ENAH: variants seen among roughly 807,000 people sequenced by gnomAD.
ENAH encodes the protein protein enabled homolog.
A neutral mutation model predicts 78.7 loss-of-function variants in ENAH; 23 were observed. The ratio of observed to expected loss-of-function variants is 0.29; its 90% confidence interval spans 0.21 to 0.41. The LOEUF is 0.41. Ranked by LOEUF, ENAH falls within the 10% of genes least tolerant of loss-of-function variation. The pLI is 1.00. For synonymous variants in ENAH, 226 were observed against 241.0 expected (o/e 0.94, Z 0.58); for missense variants, 544 against 691.0 (o/e 0.79, Z 2.39).
intron 1 of ENAH, among the ~76,000 whole-genome samples, chr1:225,630,056 T>C (rs1320435705): frequency 6.6e-6 from 1 of 152,176 alleles, no homozygotes; most frequent in Admixed American, 6.5e-5. Context: ...TAATTAACCA[T>C]AATATGTATA....
intron 5 of ENAH, among the ~76,000 whole-genome samples, chr1:225,518,525 A>ACC (rs2096440390): frequency 6.6e-6 from 1 of 152,164 alleles, no homozygotes; most frequent in African/African-American, 2.4e-5. Context: ...TTAACTTAAT[A>ACC]AACCAACCAA....
intron 3 of ENAH, among the ~76,000 whole-genome samples, chr1:225,545,972 G>A (rs1262800776): frequency 2.0e-5 from 3 of 146,584 alleles, no homozygotes; most frequent in Non-Finnish European, 4.4e-5. Context: ...CCAGGCTGGA[G>A]TGGTGCAGTG....
intron 1 of ENAH, among the ~76,000 whole-genome samples, chr1:225,640,451 CT>C (rs1660828990): frequency 6.6e-6 from 1 of 152,152 alleles, no homozygotes; most frequent in African/African-American, 2.4e-5. Flanking sequence ...TAAAGACCCC[CT>C]AAACAATGAA....
At chr1:225,615,010 ACGGTCTCCCTCTGATGCCCTCTCCC>A (rs1227550961) in intron 1 of ENAH, among the ~76,000 whole-genome samples, 3 of 149,232 alleles carry the variant, frequency 2.0e-5, no homozygotes, top group Non-Finnish European at 3.0e-5. Context: ...CTCTCCCTCC[ACGGTCTCCCTCTGATGCCCTCTCCC>A]CGGTCTCCCT....
chr1:225,624,695 T>G (rs925286734), intron 1 of ENAH, among the ~76,000 whole-genome samples: 1 of 152,102 alleles, frequency 6.6e-6, no homozygotes, highest in Non-Finnish European at 1.5e-5. Flanking sequence ...CCAGGTGTGG[T>G]GGTGCAGGTC....
chr1:225,643,549 G>A (rs912105759), intron 1 of ENAH, among the ~76,000 whole-genome samples: 14 of 152,134 alleles, frequency 9.2e-5, no homozygotes, highest in Non-Finnish European at 1.5e-5. Context: ...AAATCTAAAA[G>A]TCCATCTTTA....
chr1:225,653,597 C>T (rs1663463628), upstream of ENAH, among the ~76,000 whole-genome samples: 1 of 152,016 alleles, frequency 6.6e-6, no homozygotes, highest in South Asian at 2.1e-4. This position sits in a 1 kb window ranked among gnomAD's most constrained non-coding sequence, Gnocchi z 4.3. Flanking sequence ...GCGCCAGACC[C>T]GTAGGCACCG....
intron 1 of ENAH, among the ~76,000 whole-genome samples, chr1:225,650,539 C>T (rs1662768125): frequency 6.6e-6 from 1 of 152,074 alleles, no homozygotes; most frequent in East Asian, 1.9e-4. Flanking sequence ...GACAACTATT[C>T]CTGTTTTTAT....
chr1:225,608,539 G>C (rs1388800517), intron 1 of ENAH, among the ~76,000 whole-genome samples: 1 of 151,876 alleles, frequency 6.6e-6, no homozygotes, highest in African/African-American at 2.4e-5. Flanking sequence ...TTGGAGGCCA[G>C]GCACCGTGGC....
chr1:225,578,156 C>G (rs183099138), intron 1 of ENAH, among the ~76,000 whole-genome samples: 67 of 151,806 alleles, frequency 4.4e-4, no homozygotes, highest in African/African-American at 1.5e-3. Flanking sequence ...CTCTGGAGAC[C>G]GAAAAAAATA....
chr1:225,653,685 C>G (rs1258503995), upstream of ENAH, among the ~76,000 whole-genome samples: 3 of 152,124 alleles, frequency 2.0e-5, no homozygotes, highest in African/African-American at 4.8e-5. This position sits in a 1 kb window ranked among gnomAD's most constrained non-coding sequence, Gnocchi z 4.3. Flanking sequence ...CGGGTGCCCT[C>G]GCGCGGGGCG....
chr1:225,623,246 A>G (rs556730345), intron 1 of ENAH, among the ~76,000 whole-genome samples: 1 of 152,252 alleles, frequency 6.6e-6, no homozygotes, highest in South Asian at 2.1e-4. Flanking sequence ...TTGTTTTTCT[A>G]AATTATATTT....
At chr1:225,618,163 G>T (rs905107574) in intron 1 of ENAH, among the ~76,000 whole-genome samples, 4 of 152,164 alleles carry the variant, frequency 2.6e-5, no homozygotes, top group Non-Finnish European at 4.4e-5. Context: ...TTGTTCAACA[G>T]CTGTTGCCCT....
At chr1:225,594,877 A>T (rs2096894856) in intron 1 of ENAH, among the ~76,000 whole-genome samples, 1 of 152,270 alleles carries the variant, frequency 6.6e-6, no homozygotes, top group Admixed American at 6.5e-5. Context: ...AATGAAGGTT[A>T]GAAACTACAT....
At chr1:225,515,140 G>T (rs1450715582) in intron 6 of ENAH, 2 of 461,786 alleles carry the variant, frequency 4.3e-6, no homozygotes, top group Non-Finnish European at 7.6e-6. Context: ...CTATGCAACA[G>T]ATCATCTAAT....
At chr1:225,644,042 G>A (rs911181613) in intron 1 of ENAH, among the ~76,000 whole-genome samples, 1 of 151,864 alleles carries the variant, frequency 6.6e-6, no homozygotes, top group South Asian at 2.1e-4. Flanking sequence ...TTTTTAAATA[G>A]TATAATCTTA....
intron 1 of ENAH, among the ~76,000 whole-genome samples, chr1:225,590,082 AACACACACACACACACACACACAC>A (rs3050220): frequency 1.5e-5 from 2 of 131,416 alleles, no homozygotes; most frequent in East Asian, 2.3e-4. Context: ...CTCATCACTC[AACACACACACACACACACACACAC>A]ACACACACAC....
chr1:225,608,328 C>T (rs2096968166), intron 1 of ENAH, among the ~76,000 whole-genome samples: 1 of 150,278 alleles, frequency 6.7e-6, no homozygotes, highest in South Asian at 2.1e-4. Flanking sequence ...GAGTCCATTA[C>T]CAAAGAAACA....
intron 3 of ENAH, among the ~76,000 whole-genome samples, chr1:225,540,258 C>T (rs532489620): frequency 6.6e-6 from 1 of 152,082 alleles, no homozygotes; most frequent in African/African-American, 2.4e-5. Context: ...GATAAAGGCA[C>T]CCAATTCCAT....
Sources: allele counts gnomAD v4.1 joint callset (sites outside exome capture counted in the v4.1 genomes callset), GRCh38; gene constraint gnomAD v4.1.1; non-coding constraint Gnocchi (gnomAD v3.1); transcripts MANE v1.5; gene names NCBI Gene and HGNC (gene_info 2026-07-23, HGNC 2026-07-21).